Variants in RYR3 observed in about 807,000 individuals in gnomAD.
RYR3 encodes brain ryanodine receptor-calcium release channel.
A neutral mutation model predicts 584.3 loss-of-function variants in RYR3; 207 were observed. That is an observed-to-expected ratio of 0.35 (90% CI 0.32 to 0.40). The LOEUF is 0.40. Among genes scored for constraint, RYR3 ranks in the 10% least tolerant of loss-of-function variants. The probability of loss-of-function intolerance (pLI) is 1.00; values close to 1 mark genes in which losing one functional copy is unlikely to be tolerated. For synonymous variants in RYR3, 2,416 were observed against 2,248.5 expected (o/e 1.07, Z -2.11); for missense variants, 5,616 against 6,089.2 (o/e 0.92, Z 2.59).
chr15:33,809,401 C>T (rs954601472), intron 70 of RYR3, among the ~76,000 whole-genome samples: 3 of 152,180 alleles, frequency 2.0e-5, no homozygotes, highest in African/African-American at 7.2e-5. Flanking sequence ...CCAGCAAGTG[C>T]CCACTGAGGC....
At chr15:33,588,700 A>T (rs770536695) in intron 16 of RYR3, among the ~76,000 whole-genome samples, 4 of 152,208 alleles carry the variant, frequency 2.6e-5, no homozygotes, top group Non-Finnish European at 5.9e-5. Context: ...GAGAATATGC[A>T]GTATTTGACA....
At chr15:33,499,544 T>A (rs1407681764) in intron 2 of RYR3, among the ~76,000 whole-genome samples, 1 of 152,234 alleles carries the variant, frequency 6.6e-6, no homozygotes, top group East Asian at 1.9e-4. Flanking sequence ...AGTGAACATA[T>A]AAGTGAGTTA....
chr15:33,346,929 C>A (rs879846357), intron 1 of RYR3, among the ~76,000 whole-genome samples: 2 of 151,916 alleles, frequency 1.3e-5, no homozygotes, highest in Non-Finnish European at 2.9e-5. Context: ...ATAGCAAGAC[C>A]CTGTATCCAC....
chr15:33,655,178 C>T (rs973847710), intron 32 of RYR3, among the ~76,000 whole-genome samples: 1 of 152,220 alleles, frequency 6.6e-6, no homozygotes. Context: ...AAGATGCACT[C>T]ACAAAGCCAG....
At chr15:33,602,054 TGTGGCTGCAC>T (rs1241868394) in intron 17 of RYR3, among the ~76,000 whole-genome samples, 1 of 152,228 alleles carries the variant, frequency 6.6e-6, no homozygotes, top group East Asian at 1.9e-4. Context: ...AGTCCATGCA[TGTGGCTGCAC>T]GTGAGTCATG....
At chr15:33,364,012 A>G (rs180944895) in intron 1 of RYR3, among the ~76,000 whole-genome samples, 40 of 152,344 alleles carry the variant, frequency 2.6e-4, no homozygotes, top group East Asian at 1.9e-4. Flanking sequence ...AGTATTTCCA[A>G]TGAAAATTTA....
At chr15:33,810,434 A>G in intron 70 of RYR3, 45 bp from the exon 71 acceptor site, 1 of 1,603,648 alleles carries the variant, frequency 6.2e-7, no homozygotes, top group Non-Finnish European at 8.5e-7. Context: ...TTCCTTTGGG[A>G]GAATCACTGA....
chr15:33,730,677 C>A (rs142380170), intron 47 of RYR3, among the ~76,000 whole-genome samples: 4 of 152,150 alleles, frequency 2.6e-5, no homozygotes, highest in Admixed American at 6.5e-5. Flanking sequence ...AGGTTTCTTT[C>A]GAAAGTTCTA....
rs1158860843 is a variant in RYR3, at chr15:33,769,140, T to C, written c.8784T>C (p.Cys2928=). 1 of 1,613,700 alleles carries C rather than the reference T, an allele frequency of 6.2e-7. No homozygotes were observed. Among genetic ancestry groups the C allele is most frequent in the Admixed American group, 1.7e-5 (1 of 60,024 alleles). ...GTGATTCTACTACAATGGTGAGCTG[T>C]CTTCACATCTTAGCTCAGACACTTG... is the stretch of plus-strand genomic sequence containing the variant. The part of the protein sequence containing the change: ...FGSDSTTMVS[C]LHILAQTLDT... Residue 2928 remains cysteine (C), a synonymous_variant, in exon 62 of 104, where the codon TGT becomes TGC. Coordinates refer to ENST00000634891, the MANE Select transcript of RYR3 (RefSeq NM_001036.6).
chr15:33,421,567 A>G (rs1429869219), intron 1 of RYR3, among the ~76,000 whole-genome samples: 1 of 152,154 alleles, frequency 6.6e-6, no homozygotes. Context: ...AGATGGTGTG[A>G]AATAAGGAAT....
chr15:33,666,305 C>T (rs544867251), intron 36 of RYR3, among the ~76,000 whole-genome samples: 2 of 152,276 alleles, frequency 1.3e-5, no homozygotes, highest in East Asian at 1.9e-4. Context: ...TGCCCAGCCT[C>T]ACTCCTAGGG....
At chr15:33,382,053 A>G (rs2041225068) in intron 1 of RYR3, among the ~76,000 whole-genome samples, 2 of 152,164 alleles carry the variant, frequency 1.3e-5, no homozygotes, top group Non-Finnish European at 2.9e-5. Flanking sequence ...GTACTTTAAA[A>G]AGATGATAAT....
chr15:33,566,927 C>A, intron 12 of RYR3, 128 bp downstream of exon 12: 1 of 1,075,068 alleles, frequency 9.3e-7, no homozygotes, highest in Non-Finnish European at 1.4e-6. Flanking sequence ...AGAGTTTTAC[C>A]ATCAAGAGCT....
In RYR3 at chr15:33,731,478, C is replaced by G; in HGVS notation, c.7208C>G (p.Ser2403Cys). Reference protein sequence around the residue: ...LRASASLDTVSLSTTEAALAL... With the variant: ...LRASASLDTVCLSTTEAALAL... ...GTCCCAATCTTCTTTCTCTAGGTTT[C>G]CCTAAGCACCACAGAGGCTGCGCTT... is the stretch of plus-strand genomic sequence containing the variant. The change falls in exon 48 of 104, where the codon TCC becomes TGC. Residue 2403 changes from serine (S) to cysteine (C), a missense_variant. Ser to Cys is a moderately radical substitution (Grantham distance 112, BLOSUM62 -1). Around this residue, in one of 9 missense-constraint regions of RYR3, gnomAD observed 1,280 missense variants for 1,426.2 expected, o/e 0.90. Coordinates refer to ENST00000634891, the MANE Select transcript of RYR3 (RefSeq NM_001036.6). 6.2e-7 allele frequency: 1 copy of G among 1,609,188 alleles called. No individual in the cohort carries two copies. The highest frequency in any genetic ancestry group is 8.5e-7 in the Non-Finnish European group (1 of 1,177,380).
intron 100 of RYR3, 83 bp from the exon 101 acceptor site, chr15:33,860,512 G>A: frequency 5.2e-6 from 4 of 766,580 alleles, no homozygotes; most frequent in Non-Finnish European, 4.0e-6. Flanking sequence ...TTTTTTAACA[G>A]AACAAAGTAG....
intron 1 of RYR3, among the ~76,000 whole-genome samples, chr15:33,427,092 TG>T (rs1238536973): frequency 1.3e-5 from 2 of 152,194 alleles, no homozygotes; most frequent in African/African-American, 4.8e-5. Flanking sequence ...TCATAACAGC[TG>T]GGTTCTATAG....
intron 42 of RYR3, among the ~76,000 whole-genome samples, chr15:33,703,360 G>A (rs1218602160): frequency 2.0e-5 from 3 of 152,092 alleles, no homozygotes; most frequent in African/African-American, 7.2e-5. Context: ...CATAAACATC[G>A]GAAATTTATT....
chr15:33,760,020 C>T (rs1343651589), intron 60 of RYR3, among the ~76,000 whole-genome samples: 1 of 152,208 alleles, frequency 6.6e-6, no homozygotes, highest in African/African-American at 2.4e-5. Flanking sequence ...CCCAGAATTT[C>T]ATATCCAGCC....
At chr15:33,664,754 A>C (rs557728769) in intron 36 of RYR3, among the ~76,000 whole-genome samples, 2 of 152,070 alleles carry the variant, frequency 1.3e-5, no homozygotes, top group African/African-American at 4.8e-5. Flanking sequence ...GCATACATAC[A>C]TGTATATAAA....
Sources: gnomAD v4.1 joint callset for allele counts (sites outside exome capture counted in the v4.1 genomes callset) on GRCh38, gnomAD v4.1.1 for gene constraint, gnomAD v4.1.1 regional missense constraint, MANE v1.5 for transcripts, NCBI Gene and HGNC (gene_info 2026-07-23, HGNC 2026-07-21) for gene names.